Variants in UNC79 observed in about 807,000 individuals in gnomAD.
UNC79 encodes the protein unc-79 subunit of NALCN channel complex.
A neutral mutation model predicts 283.1 loss-of-function variants in UNC79; 37 were observed. That is an observed-to-expected ratio of 0.13 (90% CI 0.10 to 0.17). The LOEUF is 0.17. Ranked by LOEUF, UNC79 falls within the 10% of genes least tolerant of loss-of-function variation. The pLI, the probability that UNC79 is intolerant of heterozygous loss-of-function variation, is 1.00. For synonymous variants in UNC79, 1,107 were observed against 1,200.2 expected (o/e 0.92, Z 1.61); for missense variants, 2,272 against 3,211.1 (o/e 0.71, Z 7.07).
upstream of UNC79, among the ~76,000 whole-genome samples, chr14:93,427,116 A>G (rs1283789331): frequency 6.6e-6 from 1 of 152,172 alleles, no homozygotes; most frequent in Admixed American, 6.5e-5. Flanking sequence ...GCAGGCTTTC[A>G]CATGTGTGGT....
upstream of UNC79, among the ~76,000 whole-genome samples, chr14:93,425,536 T>C (rs1464772488): frequency 1.3e-5 from 2 of 152,172 alleles, no homozygotes; most frequent in African/African-American, 2.4e-5. Context: ...AGTACAAACA[T>C]ACCTGTGGTC....
At position 93,688,544 on chromosome 14, in the gene UNC79, C is replaced by T; in HGVS notation, c.6910-121C>T. 4 of 1,095,618 alleles carry T rather than the reference C, an allele frequency of 3.7e-6. No individual in the cohort carries two copies. Among genetic ancestry groups the T allele is most frequent in the Non-Finnish European group, 5.2e-6 (4 of 770,836 alleles). The allele number at this position is 1,095,618 out of a possible 1,614,324, so 67.9% of individuals were successfully genotyped here. On this transcript the variant is annotated intron_variant, in intron 43 of 48. Coordinates refer to ENST00000555664, the Ensembl canonical transcript of UNC79. The surrounding 1 kb of genome is among the most constrained non-coding windows in gnomAD (Gnocchi z 4.0). The stretch of plus-strand genomic sequence containing the variant: ...TGGGAAGGCTCTGAAGAAGTTTAAG[C>T]AGGTTGTTTGCTCAGAGTGGCGATA...
chr14:93,515,241 A>G (rs1378234715), intron 7 of UNC79, among the ~76,000 whole-genome samples: 1 of 145,932 alleles, frequency 6.9e-6, no homozygotes, highest in Non-Finnish European at 1.5e-5. Context: ...CACTTCTAGA[A>G]TTTCCATTTG....
chr14:93,356,473 G>A (rs751383585), intron 1 of UNC79, among the ~76,000 whole-genome samples: 2 of 152,226 alleles, frequency 1.3e-5, no homozygotes, highest in Non-Finnish European at 2.9e-5. Context: ...ACGAGAGACT[G>A]TCAAAAGCAC....
chr14:93,347,905 G>C (rs2053897298), intron 1 of UNC79: 1 of 590,312 alleles, frequency 1.7e-6, no homozygotes, highest in African/African-American at 1.9e-5. Flanking sequence ...GATTTCACTA[G>C]GCGCCTGTTT....
intron 1 of UNC79, among the ~76,000 whole-genome samples, chr14:93,462,824 G>A (rs571128985): frequency 6.6e-6 from 1 of 152,272 alleles, no homozygotes; most frequent in Admixed American, 6.5e-5. Context: ...TTTCTTGGGG[G>A]AAGGGAGACC....
At chr14:93,438,351 G>A (rs911445533) in intron 1 of UNC79, among the ~76,000 whole-genome samples, 2 of 152,178 alleles carry the variant, frequency 1.3e-5, no homozygotes, top group Non-Finnish European at 1.5e-5. Flanking sequence ...TATGTATCAA[G>A]CACTGTGCTA....
intron 1 of UNC79, among the ~76,000 whole-genome samples, chr14:93,377,096 C>CT (rs3059767): frequency 1.1e-3 from 123 of 108,034 alleles, no homozygotes; most frequent in South Asian, 0.01. Flanking sequence ...ATAGTTGTTT[C>CT]TTTTTTTTTT....
intron 44 of UNC79, chr14:93,689,489 T>TC (rs2074513225): frequency 7.5e-6 from 1 of 132,906 alleles, no homozygotes; most frequent in Non-Finnish European, 1.6e-5. Context: ...AGAAATTTCT[T>TC]TTTTTTTTTT....
chr14:93,443,424 C>T (rs79618713), intron 1 of UNC79, among the ~76,000 whole-genome samples: 3 of 138,860 alleles, frequency 2.2e-5, no homozygotes, highest in Non-Finnish European at 3.1e-5. Context: ...TGTCTGACTT[C>T]TTTTTTTTTT....
intron 46 of UNC79, among the ~76,000 whole-genome samples, chr14:93,692,207 C>T (rs2074748051): frequency 6.6e-6 from 1 of 152,130 alleles, no homozygotes; most frequent in African/African-American, 2.4e-5. Context: ...ATATTCTATA[C>T]TTGAAAATTG....
intron 1 of UNC79, among the ~76,000 whole-genome samples, chr14:93,417,543 T>C (rs2055490407): frequency 6.6e-6 from 1 of 152,162 alleles, no homozygotes; most frequent in Non-Finnish European, 1.5e-5. Context: ...GCGTTCTCTG[T>C]ATTTCCTGAA....
chr14:93,612,775 A>G (rs1302902961), intron 26 of UNC79, 22 bp from the exon 28 acceptor site: 1 of 1,604,690 alleles, frequency 6.2e-7, no homozygotes, highest in Non-Finnish European at 8.5e-7. Context: ...CCACCCACTG[A>G]CAGCCTTTCT....
chr14:93,541,543 T>C (rs1034214678), intron 13 of UNC79, among the ~76,000 whole-genome samples: 1 of 152,200 alleles, frequency 6.6e-6, no homozygotes, highest in South Asian at 2.1e-4. Context: ...TAATTGTTGA[T>C]TTCACATATC....
rs186658575 is a variant in UNC79, at chr14:93,373,627, T to C, written c.-351+40104T>C. On this transcript the variant is annotated intron_variant, in intron 1 of 49. Coordinates refer to the UNC79 transcript ENST00000256339. ...ATCAATAAATAATTAACCTGCAAAA[T>C]AGAAAACACCAAGCCCAGATGTCTT... Among the ~76,000 whole-genome samples, 549 of 152,172 alleles carry C rather than the reference T, an allele frequency of 3.6e-3. 5 individuals carry two copies. The highest frequency in any genetic ancestry group is 0.013 in the African/African-American group (527 of 41,504).
chr14:93,370,799 A>G (rs1292561815), intron 1 of UNC79, among the ~76,000 whole-genome samples: 1 of 151,980 alleles, frequency 6.6e-6, no homozygotes, highest in Non-Finnish European at 1.5e-5. Flanking sequence ...GAAAAGATGT[A>G]TTAATAGAAA....
chr14:93,616,999 G>A, intron 27 of UNC79, 123 bp from the exon 29 acceptor site: 1 of 780,186 alleles, frequency 1.3e-6, no homozygotes, highest in Non-Finnish European at 2.0e-6. Context: ...TATTCTGTGG[G>A]ATGCCTGTTA....
chr14:93,627,020 A>G (rs1809861115), intron 30 of UNC79, among the ~76,000 whole-genome samples: 1 of 152,298 alleles, frequency 6.6e-6, no homozygotes, highest in Non-Finnish European at 1.5e-5. Flanking sequence ...GTGAATAGCC[A>G]CAGCACTCCA....
intron 47 of UNC79, among the ~76,000 whole-genome samples, chr14:93,701,551 A>T (rs939583422): frequency 6.6e-6 from 1 of 152,204 alleles, no homozygotes; most frequent in Non-Finnish European, 1.5e-5. Context: ...GGGAGAAAAA[A>T]AAGCCCAACC....
Sources: allele counts gnomAD v4.1 joint callset (sites outside exome capture counted in the v4.1 genomes callset), GRCh38; gene constraint gnomAD v4.1.1; non-coding constraint Gnocchi (gnomAD v3.1); transcripts MANE v1.5; gene names NCBI Gene and HGNC (gene_info 2026-07-23, HGNC 2026-07-21).